Variants in CSGALNACT1 observed in about 807,000 individuals in gnomAD.
CSGALNACT1 encodes the protein chondroitin sulfate N-acetylgalactosaminyltransferase 1.
Under a neutral mutation model 51.0 loss-of-function variants are expected in CSGALNACT1, and 52 were observed. The observed-to-expected ratio is 1.02, with a 90% CI of 0.82 to 1.29. The LOEUF (loss-of-function observed/expected upper bound fraction) is 1.29. Among genes scored for constraint, CSGALNACT1 ranks in the 50% most tolerant of loss-of-function variants. CSGALNACT1 has a pLI of 0.00. For missense variants in CSGALNACT1, 935 were observed against 679.2 expected (o/e 1.38, Z -4.19); for synonymous variants, 341 against 254.4 (o/e 1.34, Z -3.24).
intron 1 of CSGALNACT1, among the ~76,000 whole-genome samples, chr8:19,624,117 C>T (rs2054160979): frequency 6.6e-6 from 1 of 152,180 alleles, no homozygotes; most frequent in African/African-American, 2.4e-5. Context: ...TGGTAGAATG[C>T]CCACCATCGG....
chr8:19,661,888 C>G (rs1464862831), intron 1 of CSGALNACT1, among the ~76,000 whole-genome samples: 1 of 152,140 alleles, frequency 6.6e-6, no homozygotes, highest in Non-Finnish European at 1.5e-5. Context: ...TCGTATATAA[C>G]CTCAACTTAT....
intron 1 of CSGALNACT1, among the ~76,000 whole-genome samples, chr8:19,628,774 C>T (rs143380498): frequency 6.9e-4 from 104 of 151,696 alleles, no homozygotes; most frequent in African/African-American, 2.3e-3. Flanking sequence ...ACCACTGTAC[C>T]GAATTCCAAT....
chr8:19,717,263 T>A (rs1036628336), intron 1 of CSGALNACT1, among the ~76,000 whole-genome samples: 2 of 152,226 alleles, frequency 1.3e-5, no homozygotes, highest in African/African-American at 4.8e-5. Context: ...GCATATGTAT[T>A]ATCATTAACC....
chr8:19,455,879 TG>T (rs1286621173), intron 5 of CSGALNACT1, among the ~76,000 whole-genome samples: 1 of 152,222 alleles, frequency 6.6e-6, no homozygotes, highest in Non-Finnish European at 1.5e-5. Context: ...TCTGATCCCC[TG>T]CACCTTGGTA....
chr8:19,448,246 G>A (rs754257952), intron 5 of CSGALNACT1, among the ~76,000 whole-genome samples: 1 of 152,160 alleles, frequency 6.6e-6, no homozygotes, highest in African/African-American at 2.4e-5. Flanking sequence ...ATGTGGTCTA[G>A]GGAATCGTGG....
intron 1 of CSGALNACT1, among the ~76,000 whole-genome samples, chr8:19,755,485 A>AAAAAAAAAAAAAAT (rs1401368855): frequency 6.7e-6 from 1 of 149,000 alleles, no homozygotes; most frequent in Non-Finnish European, 1.5e-5. Context: ...AAAAAAAGAC[A>AAAAAAAAAAAAAAT]ACATTTATGA....
chr8:19,587,635 T>G (rs757083396), intron 3 of CSGALNACT1, among the ~76,000 whole-genome samples: 1 of 152,166 alleles, frequency 6.6e-6, no homozygotes, highest in Non-Finnish European at 1.5e-5. Context: ...AACCTATAAG[T>G]ACCTTATTAC....
exon 10 of CSGALNACT1, chr8:19,405,058 A>G (rs2153655809): frequency 6.6e-6 from 3 of 453,630 alleles, no homozygotes; most frequent in Non-Finnish European, 1.3e-5. Context: ...CTTCTTAAAA[A>G]ATATAAAAAT....
chr8:19,454,498 C>G (rs993565213), intron 5 of CSGALNACT1, among the ~76,000 whole-genome samples: 3 of 152,140 alleles, frequency 2.0e-5, no homozygotes, highest in Non-Finnish European at 4.4e-5. Flanking sequence ...TGGTGAAACC[C>G]AGTCTCTACT....
At chr8:19,696,902 G>T (rs1433452061) in intron 1 of CSGALNACT1, among the ~76,000 whole-genome samples, 2 of 152,116 alleles carry the variant, frequency 1.3e-5, no homozygotes, top group African/African-American at 4.8e-5. Flanking sequence ...AGCCTCCCAG[G>T]CAGAAAACAG....
Position 19,436,498 on chromosome 8 carries a change from T to C in CSGALNACT1, c.953+3332A>G, listed in dbSNP as rs187689402. On this transcript the variant is annotated intron_variant, in intron 6 of 9. Coordinates refer to ENST00000454498, the Ensembl canonical transcript of CSGALNACT1. ...ATCAGGTAATGAATATTAAATACTA[T>C]AATTTATGCAAGTTACATTATTCAG... Among the ~76,000 whole-genome samples the C allele has an allele frequency of 2.6e-5, 4 of 152,310 alleles. No homozygotes were observed. The East Asian group carries it at 7.7e-4, about 29-fold the overall frequency.
At chr8:19,580,578 G>A (rs959390881) in intron 3 of CSGALNACT1, among the ~76,000 whole-genome samples, 1 of 152,126 alleles carries the variant, frequency 6.6e-6, no homozygotes, top group Non-Finnish European at 1.5e-5. Flanking sequence ...GATCTTCCTT[G>A]GAGGAATAGA....
intron 3 of CSGALNACT1, among the ~76,000 whole-genome samples, chr8:19,512,720 A>G (rs1267303904): frequency 6.6e-6 from 1 of 152,204 alleles, no homozygotes; most frequent in Admixed American, 6.5e-5. Context: ...ATCGGACTCA[A>G]ACCCATCTTT....
chr8:19,561,918 T>C (rs2040821991), intron 3 of CSGALNACT1, among the ~76,000 whole-genome samples: 1 of 151,928 alleles, frequency 6.6e-6, no homozygotes, highest in South Asian at 2.1e-4. Flanking sequence ...GATTGCTATT[T>C]CAGCATGCGG....
At chr8:19,661,725 C>T (rs1199966821) in intron 1 of CSGALNACT1, among the ~76,000 whole-genome samples, 1 of 152,154 alleles carries the variant, frequency 6.6e-6, no homozygotes, top group Non-Finnish European at 1.5e-5. Context: ...ATGGCCATTC[C>T]TTTCCATGAA....
At chr8:19,599,729 G>A (rs2049984589) in intron 2 of CSGALNACT1, among the ~76,000 whole-genome samples, 1 of 152,274 alleles carries the variant, frequency 6.6e-6, no homozygotes, top group Admixed American at 6.5e-5. Context: ...GAACACTTGG[G>A]GAACCTGGGA....
At chr8:19,539,058 T>C (rs1020615379) in intron 3 of CSGALNACT1, among the ~76,000 whole-genome samples, 1 of 152,216 alleles carries the variant, frequency 6.6e-6, no homozygotes, top group Non-Finnish European at 1.5e-5. Context: ...TTTTGTTATA[T>C]TTTCTTTTTA....
chr8:19,662,087 CCCG>C (rs2058811631), intron 1 of CSGALNACT1, among the ~76,000 whole-genome samples: 1 of 113,128 alleles, frequency 8.8e-6, no homozygotes, highest in African/African-American at 3.1e-5. Flanking sequence ...CCCCCCCCCC[CCCG>C]CATCTTCAGC....
chr8:19,482,387 T>C (rs1024285677), intron 4 of CSGALNACT1, among the ~76,000 whole-genome samples: 1 of 152,180 alleles, frequency 6.6e-6, no homozygotes, highest in Non-Finnish European at 1.5e-5. Context: ...GACTTTTTCC[T>C]TTTCTTGTCC....
Sources: allele counts gnomAD v4.1 joint callset (sites outside exome capture counted in the v4.1 genomes callset), GRCh38; gene constraint gnomAD v4.1.1; transcripts MANE v1.5; gene names NCBI Gene and HGNC (gene_info 2026-07-23, HGNC 2026-07-21).